PI4K2A: variants seen among roughly 807,000 people sequenced by gnomAD.
PI4K2A encodes the protein phosphatidylinositol 4-kinase type 2-alpha.
In PI4K2A, 20 loss-of-function variants were observed where a neutral mutation model predicts 55.0. The observed-to-expected ratio is 0.36, with a 90% CI of 0.26 to 0.53. The LOEUF (loss-of-function observed/expected upper bound fraction) is 0.53. Among genes scored for constraint, PI4K2A ranks in the 20% least tolerant of loss-of-function variants. The pLI, the probability that PI4K2A is intolerant of heterozygous loss-of-function variation, is 0.91. For synonymous variants in PI4K2A, 235 were observed against 258.5 expected (o/e 0.91, Z 0.87); for missense variants, 463 against 637.1 (o/e 0.73, Z 2.94).
chr10:97,643,375 G>A (rs187137492), intron 1 of PI4K2A, among the ~76,000 whole-genome samples: 2 of 151,946 alleles, frequency 1.3e-5, no homozygotes, highest in East Asian at 3.9e-4. Context: ...GGAGAAGGAG[G>A]AATATTTTTG....
chr10:97,648,092 A>ATTTTTTTT (rs11332690), intron 1 of PI4K2A, among the ~76,000 whole-genome samples: 1 of 120,682 alleles, frequency 8.3e-6, no homozygotes, highest in Non-Finnish European at 1.7e-5. Flanking sequence ...CACTTAGCTA[A>ATTTTTTTT]TTTTTTTTTT....
chr10:97,665,264 C>T (rs1392697020), intron 6 of PI4K2A, among the ~76,000 whole-genome samples: 2 of 151,866 alleles, frequency 1.3e-5, no homozygotes, highest in Non-Finnish European at 2.9e-5. Flanking sequence ...GCATTCTTCT[C>T]GTTCTTTCTG....
chr10:97,670,528 G>T (rs1437342678), intron 8 of PI4K2A, among the ~76,000 whole-genome samples: 1 of 152,060 alleles, frequency 6.6e-6, no homozygotes, highest in Non-Finnish European at 1.5e-5. Flanking sequence ...ATAAGTAGTA[G>T]ACAATTTGAC....
At chr10:97,655,980 G>T (rs556103302) in intron 2 of PI4K2A, among the ~76,000 whole-genome samples, 4 of 152,306 alleles carry the variant, frequency 2.6e-5, no homozygotes, top group African/African-American at 9.6e-5. Flanking sequence ...CTTCCATGGT[G>T]TGGCTCTGCT....
rs774961751 is a variant in PI4K2A at position 97,657,008 on chromosome 10, C to T, written c.922+34C>T. ...CTGCAGGTGGTCCCATGCCCTGTGC[C>T]AGACTGTGTTGAGGCATGGGGAGGC... On this transcript the variant is annotated intron_variant, in intron 4 of 8. Coordinates refer to ENST00000370631, the Ensembl canonical transcript of PI4K2A. 6.2e-6 allele frequency: 10 copies of T among 1,612,322 alleles called. No homozygotes were observed. In the South Asian group the frequency reaches 1.1e-4, roughly 18 times the overall value.
rs138433687 is a variant in PI4K2A at position 97,676,322 on chromosome 10, T to C, written c.*2580T>C. 3.3e-5 allele frequency: 5 copies of C among 152,376 alleles called. No homozygotes were observed. The East Asian group carries it at 9.6e-4, about 29-fold the overall frequency. 9.4% of individuals were successfully genotyped at this position (152,376 alleles called of 1,614,324 possible). On this transcript the variant is annotated 3_prime_UTR_variant, in exon 9 of 9. Coordinates refer to ENST00000370631, the Ensembl canonical transcript of PI4K2A. ...TTATGATGTGTTCCTTTTAGTGTGA[T>C]TCTTTGTTGCAGAAATGTCAATATA...
At position 97,642,843 on chromosome 10, in the gene PI4K2A, CTTCCTTCCTTTCTTTCTTTCTT is replaced by C. The variant is rs1331424244; in HGVS notation, c.435+1669_435+1690del. ...CCTTCCTTCCTTCCTTCCTTCCTTCCTTCCTTCCTTTCTTTCTTTCTTTTTCTTTCTTTCTTTCTTTCTTCCT... is the reference window on the plus strand; with the variant it reads ...CCTTCCTTCCTTCCTTCCTTCCTTCCTTTCTTTCTTTCTTTCTTTCTTCCT... On this transcript the variant is annotated intron_variant, in intron 1 of 8. Transcript: ENST00000370631. Among the ~76,000 whole-genome samples, 84 of 13,862 alleles carry C rather than the reference CTTCCTTCCTTTCTTTCTTTCTT, an allele frequency of 6.1e-3. 5 individuals are homozygous for C. The highest frequency in any genetic ancestry group is 7.9e-3 in the African/African-American group (32 of 4,054). The allele number at this position is 13,862 out of a possible 152,430, so 9.1% of individuals were successfully genotyped here.
chr10:97,641,288 C>A (rs554867670), intron 1 of PI4K2A, 111 bp downstream of exon 1: 11 of 768,164 alleles, frequency 1.4e-5, no homozygotes, highest in African/African-American at 3.7e-5. Flanking sequence ...ACAGTACCAG[C>A]CCCTGGCAGG....
At chr10:97,668,115 G>A (rs2041618455) in intron 8 of PI4K2A, among the ~76,000 whole-genome samples, 1 of 152,082 alleles carries the variant, frequency 6.6e-6, no homozygotes, top group Non-Finnish European at 1.5e-5. Flanking sequence ...CTATCACTTT[G>A]AAGTCTTCTT....
chr10:97,674,424 A>T (rs1168410964), exon 9 of PI4K2A: 1 of 152,246 alleles, frequency 6.6e-6, no homozygotes, highest in Non-Finnish European at 1.5e-5. Context: ...GCACACAATC[A>T]TAGAGAACCT....
At chr10:97,650,823 G>C (rs1422700080) in intron 1 of PI4K2A, 118 bp from the exon 2 acceptor site, 2 of 728,658 alleles carry the variant, frequency 2.7e-6, no homozygotes, top group Admixed American at 2.6e-5. Flanking sequence ...GAGTCCAACT[G>C]TAAGTAGGAA....
chr10:97,657,572 G>T (rs1006586349), intron 4 of PI4K2A, among the ~76,000 whole-genome samples: 2 of 151,708 alleles, frequency 1.3e-5, no homozygotes, highest in African/African-American at 2.4e-5. Flanking sequence ...GGAGGCTGAG[G>T]TGGGAGAATC....
At chr10:97,646,211 C>T (rs1589931592) in intron 1 of PI4K2A, among the ~76,000 whole-genome samples, 1 of 150,292 alleles carries the variant, frequency 6.7e-6, no homozygotes, top group South Asian at 2.1e-4. Flanking sequence ...TTTTTGGAGT[C>T]CTTAATAATT....
At chr10:97,648,371 C>T (rs978490809) in intron 1 of PI4K2A, among the ~76,000 whole-genome samples, 4 of 152,098 alleles carry the variant, frequency 2.6e-5, no homozygotes, top group Non-Finnish European at 5.9e-5. Flanking sequence ...GGATTACAGG[C>T]ATGATTCCCG....
chr10:97,646,736 A>C (rs1457065522), intron 1 of PI4K2A, among the ~76,000 whole-genome samples: 1 of 152,044 alleles, frequency 6.6e-6, no homozygotes, highest in Admixed American at 6.6e-5. Flanking sequence ...TGCTGATTAG[A>C]TATAGGAACC....
intron 5 of PI4K2A, among the ~76,000 whole-genome samples, chr10:97,664,240 A>C (rs942340296): frequency 8.5e-5 from 13 of 152,230 alleles, no homozygotes; most frequent in Non-Finnish European, 1.9e-4. Context: ...CTGGAACCAC[A>C]GTTCTTGTTC....
At position 97,643,969 on chromosome 10, in the gene PI4K2A, G is replaced by A. The variant is rs193101628; in HGVS notation, c.435+2792G>A. ...TCCAAGGTCTCACACCTAGTAAGTG[G>A]TAGAGGCAGGATTGGGCCAAGGCGG... On this transcript the variant is annotated intron_variant, in intron 1 of 8. Coordinates refer to ENST00000370631, the Ensembl canonical transcript of PI4K2A. Among the ~76,000 whole-genome samples the A allele has an allele frequency of 1.2e-3, 190 of 152,288 alleles. 1 individual carries two copies. Among genetic ancestry groups the A allele is most frequent in the African/African-American group, 4.4e-3 (183 of 41,548 alleles).
intron 2 of PI4K2A, among the ~76,000 whole-genome samples, chr10:97,655,749 A>G (rs1398962454): frequency 6.6e-6 from 1 of 151,868 alleles, no homozygotes; most frequent in African/African-American, 2.4e-5. Flanking sequence ...TAATTTTTGT[A>G]TTTTTAGTAG....
chr10:97,667,102 T>G, exon 8 of PI4K2A: 1 of 1,613,548 alleles, frequency 6.2e-7, no homozygotes, highest in Non-Finnish European at 8.5e-7. Flanking sequence ...ATAAGCAGAT[T>G]GCTGTCATGC....
Sources: gnomAD v4.1 joint callset for allele counts (sites outside exome capture counted in the v4.1 genomes callset) on GRCh38, gnomAD v4.1.1 for gene constraint, MANE v1.5 for transcripts, NCBI Gene and HGNC (gene_info 2026-07-23, HGNC 2026-07-21) for gene names.